CEMIP: variants seen among roughly 807,000 people sequenced by gnomAD.
CEMIP encodes the protein cell migration inducing hyaluronidase 1.
Under a neutral mutation model 156.9 loss-of-function variants are expected in CEMIP, and 105 were observed. That is an observed-to-expected ratio of 0.67 (90% confidence interval 0.57 to 0.79). The LOEUF is 0.79. Among genes scored for constraint, CEMIP ranks in the 30% least tolerant of loss-of-function variants. The pLI is 0.00. For missense variants in CEMIP, 1,457 were observed against 1,769.4 expected, an observed-to-expected ratio of 0.82 and a Z score of 3.17; for synonymous variants, 676 against 668.4, an observed-to-expected ratio of 1.01 and a Z score of -0.17.
At chr15:80,930,502 G>T (rs1900870715) in intron 21 of CEMIP, among the ~76,000 whole-genome samples, 1 of 152,222 alleles carries the variant, frequency 6.6e-6, no homozygotes, top group South Asian at 2.1e-4. Flanking sequence ...CTTGTATAGA[G>T]CTGGGTCAGG....
chr15:80,890,177 C>T (rs1898988097), intron 10 of CEMIP, among the ~76,000 whole-genome samples: 1 of 152,132 alleles, frequency 6.6e-6, no homozygotes, highest in Non-Finnish European at 1.5e-5. Flanking sequence ...GCTTTGGGAA[C>T]AACAGGAGAG....
chr15:80,862,838 G>A (rs1009837442), intron 1 of CEMIP, among the ~76,000 whole-genome samples: 11 of 152,262 alleles, frequency 7.2e-5, no homozygotes, highest in Non-Finnish European at 1.5e-4. Flanking sequence ...ATACCTGGAG[G>A]AATCATGCAA....
chr15:80,786,819 G>A (rs1895952660), intron 1 of CEMIP, among the ~76,000 whole-genome samples: 1 of 152,104 alleles, frequency 6.6e-6, no homozygotes, highest in South Asian at 2.1e-4. Context: ...TTACAACCTG[G>A]TCTGTTAATC....
chr15:80,867,513 C>G (rs1053861919), intron 1 of CEMIP, among the ~76,000 whole-genome samples: 1 of 152,218 alleles, frequency 6.6e-6, no homozygotes, highest in African/African-American at 2.4e-5. Flanking sequence ...ATGCCCTGAT[C>G]TGCAGAGGCA....
rs1897119878 is a variant in CEMIP at position 80,829,965 on chromosome 15, G to GGTT, written c.-175-43571_-175-43570insTGT. On this transcript the variant is annotated intron_variant, in intron 1 of 29. Transcript: ENST00000394685. Reference sequence around the variant, plus strand: ...CTAGTACCATAGAAGGGAGGTAGCGGGTGTGTGTGTGTGTGTGTGTGTGTG... The same window carrying GGTT: ...CTAGTACCATAGAAGGGAGGTAGCGGGTTGTGTGTGTGTGTGTGTGTGTGTGTG... 2.2e-5 allele frequency among the ~76,000 whole-genome samples: 3 copies of GGTT among 133,792 alleles called. No homozygotes were observed. In the South Asian group the frequency reaches 7.2e-4, roughly 32 times the overall value. The allele number at this position is 133,792 out of a possible 152,430, so 87.8% of individuals were successfully genotyped here. A position where few individuals can be genotyped will look rare whatever the true frequency, so the allele number is the denominator to read the frequency against.
At chr15:80,847,758 G>T (rs1273073127) in intron 1 of CEMIP, among the ~76,000 whole-genome samples, 2 of 152,204 alleles carry the variant, frequency 1.3e-5, no homozygotes, top group African/African-American at 4.8e-5. Context: ...CAAAACCGTG[G>T]GTTTCTTCAG....
At chr15:80,925,889 C>CCAGGCAGGGGCATAGAATGGCAG (rs1900645461) in intron 19 of CEMIP, 134 bp downstream of exon 19, 2 of 1,324,738 alleles carry the variant, frequency 1.5e-6, no homozygotes, top group Non-Finnish European at 2.0e-6. Context: ...GGTCCCCCAG[C>CCAGGCAGGGGCATAGAATGGCAG]CAGGCAGGGG....
At position 80,947,345 on chromosome 15, in the gene CEMIP, T is replaced by C. The variant is rs11858908; in HGVS notation, c.3958+280T>C. On this transcript the variant is annotated intron_variant, in intron 29 of 29. Coordinates refer to ENST00000394685, the MANE Select transcript of CEMIP (RefSeq NM_001293298.2). Reference sequence around the variant, plus strand: ...GACTCATTTGCTTGGAAAGTGGCCCTTTATTCAACAAAAGTATCATAAGAA... The same window carrying C: ...GACTCATTTGCTTGGAAAGTGGCCCCTTATTCAACAAAAGTATCATAAGAA... 1,572 of 433,396 alleles carry C rather than the reference T, an allele frequency of 3.6e-3. 33 individuals are homozygous for C. Among genetic ancestry groups the C allele is most frequent in the African/African-American group, 0.028 (1,426 of 50,276 alleles). The allele number at this position is 433,396 out of a possible 1,614,324, so 26.8% of individuals were successfully genotyped here. A position where few individuals can be genotyped will look rare whatever the true frequency, so the allele number is the denominator to read the frequency against.
intron 12 of CEMIP, among the ~76,000 whole-genome samples, chr15:80,904,042 T>C (rs1022437232): frequency 7.2e-5 from 11 of 152,166 alleles, no homozygotes; most frequent in African/African-American, 2.7e-4. Context: ...TTTCATATCA[T>C]TTCCCCTGGT....
chr15:80,850,393 C>T (rs1193315844), intron 1 of CEMIP, among the ~76,000 whole-genome samples: 2 of 152,202 alleles, frequency 1.3e-5, no homozygotes, highest in Admixed American at 6.5e-5. Flanking sequence ...TCTCATGTCT[C>T]AGCCTCCCAA....
In CEMIP at chr15:80,881,068, C is replaced by A; in HGVS notation, c.549C>A (p.Ser183Arg). 4 of 1,614,216 alleles carry A rather than the reference C, an allele frequency of 2.5e-6. No homozygotes were observed. The highest frequency in any genetic ancestry group is 1.6e-4 in the Middle Eastern group (1 of 6,062). ...AAGGAGGCTATTTTTTTGAAAGGAG[C>A]TGGGGCCACCGTGGAGTTATTGTTC... The part of the protein sequence containing the change: ...MAEGGYFFER[S>R]WGHRGVIVHV... Residue 183 changes from serine to arginine, a missense_variant, in exon 6 of 30, where the codon AGC becomes AGA. Transcript: ENST00000394685.
chr15:80,890,766 A>G (rs1428449046), intron 10 of CEMIP, among the ~76,000 whole-genome samples: 1 of 152,128 alleles, frequency 6.6e-6, no homozygotes, highest in East Asian at 1.9e-4. Flanking sequence ...ACCCCGCCAC[A>G]CCATCCTGGG....
At chr15:80,814,378 C>G (rs963240319) in intron 1 of CEMIP, among the ~76,000 whole-genome samples, 2 of 152,120 alleles carry the variant, frequency 1.3e-5, no homozygotes, top group African/African-American at 4.8e-5. Context: ...CCAGAGCAAC[C>G]CACGGCTTGG....
chr15:80,801,957 T>A lies in CEMIP; in HGVS notation c.-176+22343T>A, dbSNP rs142705095. Among the ~76,000 whole-genome samples, 580 of 152,318 alleles carry A rather than the reference T, an allele frequency of 3.8e-3. 3 individuals are homozygous for A. Among genetic ancestry groups the A allele is most frequent in the African/African-American group, 0.013 (551 of 41,554 alleles). On this transcript the variant is annotated intron_variant, in intron 1 of 29. Transcript: ENST00000394685. ...GATTTAAAGTATACAGGAGGATGTA[T>A]GTATGTTATATGCAAATACTACACT...
rs1349240362 is a variant in CEMIP, at chr15:80,906,528, CT to C, written c.1412-134del. 1 of 828,046 alleles carries C rather than the reference CT, an allele frequency of 1.2e-6. No individual in the cohort carries two copies. The highest frequency in any genetic ancestry group is 1.9e-6 in the Non-Finnish European group (1 of 520,474). The allele number at this position is 828,046 out of a possible 1,614,324, so 51.3% of individuals were successfully genotyped here. ...CTTCACCTCCCTGACCTTCATCCTT[CT>C]GTAACATGAGACCACTGTGCACACC... On this transcript the variant is annotated intron_variant, in intron 12 of 29. Transcript: ENST00000394685. This position sits in a 1 kb window ranked among gnomAD's most constrained non-coding sequence, Gnocchi z 4.3.
chr15:80,923,885 G>A (rs895807558), intron 17 of CEMIP, among the ~76,000 whole-genome samples: 3 of 152,152 alleles, frequency 2.0e-5, no homozygotes, highest in South Asian at 2.1e-4. Flanking sequence ...GTAGAGCTGC[G>A]AGTCAACCCC....
chr15:80,920,015 T>C (rs1429590862), intron 14 of CEMIP, 79 bp from the exon 15 acceptor site: 11 of 1,293,790 alleles, frequency 8.5e-6, no homozygotes, highest in Non-Finnish European at 1.2e-5. Flanking sequence ...CATGAGACTA[T>C]TTAGTGTTTG....
intron 1 of CEMIP, among the ~76,000 whole-genome samples, chr15:80,809,224 A>G (rs1896595379): frequency 6.6e-6 from 1 of 152,248 alleles, no homozygotes; most frequent in South Asian, 2.1e-4. Flanking sequence ...AGTGATGTTT[A>G]TAATAGTGAA....
chr15:80,829,957 A>T (rs28459142), intron 1 of CEMIP, among the ~76,000 whole-genome samples: 38,523 of 139,180 alleles, frequency 0.28, 4,970 homozygotes, highest in South Asian at 0.37. Context: ...CATAGAAGGG[A>T]GGTAGCGGGT....
Sources: gnomAD v4.1 joint callset for allele counts (sites outside exome capture counted in the v4.1 genomes callset) on GRCh38, gnomAD v4.1.1 for gene constraint, Gnocchi (gnomAD v3.1) non-coding constraint, MANE v1.5 for transcripts, NCBI Gene and HGNC (gene_info 2026-07-23, HGNC 2026-07-21) for gene names.